The following OXR1 variants were observed in gnomAD, a reference collection of about 807,000 sequenced individuals.
OXR1 encodes the protein oxidation resistance protein 1.
OXR1 carries 41 observed loss-of-function variants against 104.6 expected under a neutral mutation model. The ratio of observed to expected loss-of-function variants is 0.39; its 90% confidence interval spans 0.31 to 0.51. The LOEUF (loss-of-function observed/expected upper bound fraction) is 0.51, where lower values mean the gene tolerates loss of function less well. Among genes scored for constraint, OXR1 ranks in the 20% least tolerant of loss-of-function variants. OXR1 has a pLI of 0.77. For missense variants in OXR1, 955 were observed against 1,031.9 expected (o/e 0.93, Z 1.02); for synonymous variants, 348 against 348.4 (o/e 1.00, Z 0.01).
chr8:106,536,446 A>T (rs1193773086), intron 3 of OXR1, among the ~76,000 whole-genome samples: 1 of 151,874 alleles, frequency 6.6e-6, no homozygotes, highest in Non-Finnish European at 1.5e-5. Flanking sequence ...GGTCATTGCC[A>T]AGCACAGAAA....
chr8:106,551,811 TATAC>T (rs148385452), intron 3 of OXR1, among the ~76,000 whole-genome samples: 5 of 97,900 alleles, frequency 5.1e-5, no homozygotes, highest in African/African-American at 1.5e-4. Context: ...TATATATATA[TATAC>T]ACACACACAC....
intron 3 of OXR1, among the ~76,000 whole-genome samples, chr8:106,521,531 G>A (rs1473102023): frequency 7.7e-6 from 1 of 129,146 alleles, no homozygotes; most frequent in Non-Finnish European, 1.7e-5. Context: ...GTTGTTGTTT[G>A]AGACGGAGTC....
At chr8:106,708,012 G>A (rs1831311636) in intron 9 of OXR1, among the ~76,000 whole-genome samples, 1 of 152,080 alleles carries the variant, frequency 6.6e-6, no homozygotes, top group Admixed American at 6.6e-5. Flanking sequence ...AGTGGCATTA[G>A]TACATTCACA....
intron 1 of OXR1, among the ~76,000 whole-genome samples, chr8:106,300,388 C>A (rs1813179829): frequency 6.6e-6 from 1 of 152,000 alleles, no homozygotes; most frequent in Non-Finnish European, 1.5e-5. Flanking sequence ...TTTATTATGG[C>A]TTATTCCATT....
At chr8:106,371,805 A>G (rs1474880816) in intron 2 of OXR1, among the ~76,000 whole-genome samples, 5 of 152,202 alleles carry the variant, frequency 3.3e-5, no homozygotes, top group Admixed American at 3.3e-4. Context: ...GATAGGCCTG[A>G]AGAAACACTC....
In OXR1 at chr8:106,724,512, T is replaced by A. The variant is rs145308550; in HGVS notation, c.1956+10527T>A. Among the ~76,000 whole-genome samples, 1,261 of 152,344 alleles carry A rather than the reference T, an allele frequency of 8.3e-3. 11 individuals are homozygous for A. The highest frequency in any genetic ancestry group is 0.014 in the Non-Finnish European group (929 of 68,030). On this transcript the variant is annotated intron_variant, in intron 11 of 16. Coordinates refer to ENST00000517566, the MANE Select transcript of OXR1 (RefSeq NM_001198533.2). Reference sequence around the variant, plus strand: ...ACTCAGAATAGCTTAAACCTGTTGTTTCTCGAAGTGTAGTTCCCAGACCAT... The same window carrying A: ...ACTCAGAATAGCTTAAACCTGTTGTATCTCGAAGTGTAGTTCCCAGACCAT...
Position 106,663,112 on chromosome 8 carries a change from G to T in OXR1, c.221-16098G>T, listed in dbSNP as rs188882208. Among the ~76,000 whole-genome samples, 639 of 152,262 alleles carry T rather than the reference G, an allele frequency of 4.2e-3. 4 individuals carry two copies. Among genetic ancestry groups the T allele is most frequent in the Non-Finnish European group, 5.9e-3 (404 of 68,024 alleles). ...TCCTGTTCCCAAGCATTTCAGATAA[G>T]TGGTACTCAGCCTATAGCAAGAATG... On this transcript the variant is annotated intron_variant, in intron 3 of 16. Coordinates refer to ENST00000517566, the MANE Select transcript of OXR1 (RefSeq NM_001198533.2).
chr8:106,519,181 A>G, intron 3 of OXR1, 42 bp downstream of exon 3: 2 of 1,353,860 alleles, frequency 1.5e-6, no homozygotes, highest in East Asian at 5.1e-5. Context: ...GATGAAATCT[A>G]CCTAAATGGC....
At chr8:106,743,242 C>T (rs1250999139) in intron 15 of OXR1, among the ~76,000 whole-genome samples, 1 of 152,204 alleles carries the variant, frequency 6.6e-6, no homozygotes, top group African/African-American at 2.4e-5. Flanking sequence ...CATCTCACTC[C>T]AGTCAGAATG....
chr8:106,669,111 A>G (rs1460325282), intron 3 of OXR1, among the ~76,000 whole-genome samples: 2 of 152,192 alleles, frequency 1.3e-5, no homozygotes, highest in Non-Finnish European at 2.9e-5. Context: ...ATTAATGGGT[A>G]TGAGACCAAG....
In OXR1 at chr8:106,386,347, GA is replaced by G. The variant is rs750393713; in HGVS notation, c.23+26713del. On this transcript the variant is annotated intron_variant, in intron 2 of 16. Coordinates refer to ENST00000517566, the MANE Select transcript of OXR1 (RefSeq NM_001198533.2). ...TAAAATTTTTCTGATTTTTAAGACA[GA>G]AGACTCTGAATAGGGTAGAGAGGAG... 2.1e-4 allele frequency among the ~76,000 whole-genome samples: 32 copies of G among 152,282 alleles called. No homozygotes were observed. In the South Asian group the frequency reaches 5.8e-3, roughly 28 times the overall value.
At chr8:106,587,607 G>T (rs926178552) in intron 3 of OXR1, among the ~76,000 whole-genome samples, 2 of 152,170 alleles carry the variant, frequency 1.3e-5, no homozygotes, top group African/African-American at 4.8e-5. Flanking sequence ...TCTCAGAGAA[G>T]TCCCAGTAGA....
At chr8:106,495,331 G>A (rs1045386475) in intron 2 of OXR1, among the ~76,000 whole-genome samples, 1 of 152,100 alleles carries the variant, frequency 6.6e-6, no homozygotes, top group African/African-American at 2.4e-5. Flanking sequence ...AAGAGCTAGA[G>A]CTTGCACTCA....
intron 14 of OXR1, among the ~76,000 whole-genome samples, 169 bp downstream of exon 14, chr8:106,740,664 A>G (rs895368823): frequency 1.3e-5 from 2 of 152,180 alleles, no homozygotes; most frequent in African/African-American, 4.8e-5. Context: ...GAGGATAGAT[A>G]TGAGCATGAT....
At chr8:106,333,564 T>G (rs1814825228) in intron 1 of OXR1, among the ~76,000 whole-genome samples, 1 of 152,108 alleles carries the variant, frequency 6.6e-6, no homozygotes, top group Non-Finnish European at 1.5e-5. Context: ...TAATCCAATG[T>G]CATGGAAAAT....
At chr8:106,573,078 G>A (rs866785895) in intron 3 of OXR1, among the ~76,000 whole-genome samples, 28 of 152,186 alleles carry the variant, frequency 1.8e-4, no homozygotes, top group African/African-American at 6.3e-4. Context: ...AGCCAGAAAA[G>A]ATTATTATCC....
At chr8:106,362,155 C>T (rs1199237559) in intron 2 of OXR1, among the ~76,000 whole-genome samples, 1 of 152,190 alleles carries the variant, frequency 6.6e-6, no homozygotes, top group Admixed American at 6.5e-5. Context: ...AGTTCCACTT[C>T]TGCCAGACTC....
intron 1 of OXR1, among the ~76,000 whole-genome samples, chr8:106,318,720 A>C (rs1010825536): frequency 6.6e-6 from 1 of 152,176 alleles, no homozygotes; most frequent in African/African-American, 2.4e-5. Context: ...TCCTTTGTTC[A>C]TATCACAAGT....
At chr8:106,695,610 G>C (rs1388324075) in intron 7 of OXR1, among the ~76,000 whole-genome samples, 1 of 151,730 alleles carries the variant, frequency 6.6e-6, no homozygotes, top group Non-Finnish European at 1.5e-5. Flanking sequence ...AGTAGAGAGG[G>C]GGTTTTACCA....
Sources: gnomAD v4.1 joint callset for allele counts (sites outside exome capture counted in the v4.1 genomes callset) on GRCh38, gnomAD v4.1.1 for gene constraint, MANE v1.5 for transcripts, NCBI Gene and HGNC (gene_info 2026-07-23, HGNC 2026-07-21) for gene names.